Variants in SLC38A7 observed in about 807,000 individuals in gnomAD.
SLC38A7 encodes the protein solute carrier family 38 member 7.
Under a neutral mutation model 50.1 loss-of-function variants are expected in SLC38A7, and 29 were observed. The observed-to-expected ratio is 0.58, with a 90% CI of 0.43 to 0.79. SLC38A7 has a LOEUF of 0.79. SLC38A7 is among the 30% of genes least tolerant of loss of function. The probability of loss-of-function intolerance (pLI) is 0.00; values close to 1 mark genes in which losing one functional copy is unlikely to be tolerated. For synonymous variants in SLC38A7, 244 were observed against 245.9 expected, an observed-to-expected ratio of 0.99 and a Z score of 0.07; for missense variants, 483 against 610.6, an observed-to-expected ratio of 0.79 and a Z score of 2.20.
At chr16:58,670,659 C>T (rs965694196) in intron 10 of SLC38A7, among the ~76,000 whole-genome samples, 27 of 152,330 alleles carry the variant, frequency 1.8e-4, no homozygotes, top group Middle Eastern at 3.4e-3. Flanking sequence ...GACCCCACTG[C>T]CCTCTGGGCT....
At chr16:58,671,698 T>C (rs1353738604) in intron 9 of SLC38A7, 4 of 215,628 alleles carry the variant, frequency 1.9e-5, no homozygotes, top group Non-Finnish European at 3.7e-5. Context: ...AGTGGCTGAG[T>C]AGCTGGGACC....
chr16:58,668,373 G>A (rs1351170979), intron 11 of SLC38A7, among the ~76,000 whole-genome samples: 3 of 152,180 alleles, frequency 2.0e-5, no homozygotes, highest in Non-Finnish European at 4.4e-5. Context: ...TCAGGAGTTC[G>A]AGATCAGCCT....
At chr16:58,676,149 G>A (rs1597672794) in intron 7 of SLC38A7, 95 bp from the exon 8 acceptor site, 2 of 1,544,892 alleles carry the variant, frequency 1.3e-6, no homozygotes, top group East Asian at 2.2e-5. Flanking sequence ...CAGGAACAAG[G>A]GGCAAGTCCT....
chr16:58,670,663 C>G (rs2044141372), intron 10 of SLC38A7, among the ~76,000 whole-genome samples: 1 of 152,234 alleles, frequency 6.6e-6, no homozygotes, highest in Admixed American at 6.5e-5. Flanking sequence ...CCACTGCCCT[C>G]TGGGCTGTAA....
At chr16:58,672,320 C>T in intron 8 of SLC38A7, 77 bp from the exon 9 acceptor site, 2 of 1,449,898 alleles carry the variant, frequency 1.4e-6, no homozygotes, top group Non-Finnish European at 1.9e-6. Context: ...CTAGGAGCAA[C>T]ATCAGCCTGG....
intron 2 of SLC38A7, chr16:58,681,433 GT>G (rs36045290): frequency 0.27 from 40,774 of 151,876 alleles, 5,865 homozygotes; most frequent in African/African-American, 0.36. Context: ...TTGAGATGCA[GT>G]TTTTTTTCTT....
Position 58,678,988 on chromosome 16 carries a change from G to T in SLC38A7, c.271-94C>A. On this transcript the variant is annotated intron_variant, in intron 3 of 11. Transcript: ENST00000219320. This position sits in a 1 kb window ranked among gnomAD's most constrained non-coding sequence, Gnocchi z 4.0. The stretch of plus-strand genomic sequence containing the variant: ...AGCATTTACTGGGCCAGTGCCCAAA[G>T]CAAGCTTGGCAAATCTCACAAAGGC... 7.9e-7 allele frequency: 1 copy of T among 1,260,104 alleles called. No individual in the cohort carries two copies. Among genetic ancestry groups the T allele is most frequent in the Non-Finnish European group, 1.1e-6 (1 of 899,558 alleles). The allele number at this position is 1,260,104 out of a possible 1,614,324, so 78.1% of individuals were successfully genotyped here. A position where few individuals can be genotyped will look rare whatever the true frequency, so the allele number is the denominator to read the frequency against.
In SLC38A7 at chr16:58,684,752, A is replaced by G. The variant is rs922410184; in HGVS notation, c.-375T>C. The G allele has an allele frequency of 1.9e-4, 29 of 152,430 alleles. No individual in the cohort carries two copies. Among genetic ancestry groups the G allele is most frequent in the African/African-American group, 7.0e-4 (29 of 41,600 alleles). The allele number at this position is 152,430 out of a possible 1,614,324, so 9.4% of individuals were successfully genotyped here. On this transcript the variant is annotated 5_prime_UTR_variant, in exon 1 of 12. Coordinates refer to ENST00000219320, the MANE Select transcript of SLC38A7 (RefSeq NM_018231.3). Reference sequence around the variant, plus strand: ...TCTTTCCCGAGCCGGCTGCGGAGACACGTGAGCATGCATCACATGACGCCC... The same window carrying G: ...TCTTTCCCGAGCCGGCTGCGGAGACGCGTGAGCATGCATCACATGACGCCC...
intron 1 of SLC38A7, 170 bp from the exon 2 acceptor site, chr16:58,684,348 C>T (rs1271611515): frequency 1.3e-5 from 2 of 152,370 alleles, no homozygotes; most frequent in Admixed American, 1.3e-4. Context: ...GGGTTGGAGC[C>T]CTGAGATAGA....
chr16:58,668,556 C>G (rs1351121999), intron 11 of SLC38A7, among the ~76,000 whole-genome samples: 1 of 148,726 alleles, frequency 6.7e-6, no homozygotes, highest in Non-Finnish European at 1.5e-5. Flanking sequence ...ACAACAAACC[C>G]AAAAAATTAG....
Position 58,667,429 on chromosome 16 carries a change from C to T in SLC38A7, c.1345G>A (p.Gly449Ser), listed in dbSNP as rs377594326. ...AAGATGGCGTTGGCTGTGGTCTGGC[C>T]GAAGATGAAGGCTCCCAGGGTGACC... ...LLVTLGAFIF[G>S]QTTANAIFVD... The change falls in exon 12 of 12, where the codon GGC (glycine) becomes AGC (serine). Residue 449 changes from glycine to serine, a missense_variant. Coordinates refer to ENST00000219320, the MANE Select transcript of SLC38A7 (RefSeq NM_018231.3). The T allele has an allele frequency of 9.3e-6, 15 of 1,613,810 alleles. No homozygotes were observed. The highest frequency in any genetic ancestry group is 5.0e-5 in the Admixed American group (3 of 59,992).
chr16:58,683,093 G>A lies in SLC38A7; in HGVS notation c.-116+862C>T, dbSNP rs553919629. 3.3e-5 allele frequency among the ~76,000 whole-genome samples: 5 copies of A among 151,560 alleles called. No homozygotes were observed. The South Asian group carries it at 6.3e-4, about 19-fold the overall frequency. On this transcript the variant is annotated intron_variant, in intron 2 of 11. Coordinates refer to ENST00000219320, the MANE Select transcript of SLC38A7 (RefSeq NM_018231.3). ...GAGGTCTCACTATGTTGCCCAGGCT[G>A]GTCTTGAACTCCTGGGCTCAAGCAA...
intron 9 of SLC38A7, 111 bp downstream of exon 9, chr16:58,671,985 A>G (rs1225992106): frequency 1.4e-5 from 18 of 1,305,792 alleles, no homozygotes; most frequent in Non-Finnish European, 1.8e-5. Flanking sequence ...ACTCTTTTCT[A>G]CAGGCTTCAG....
intron 11 of SLC38A7, among the ~76,000 whole-genome samples, chr16:58,667,923 A>G (rs1443415717): frequency 6.6e-6 from 1 of 152,202 alleles, no homozygotes; most frequent in Non-Finnish European, 1.5e-5. Context: ...TAATCCCAGC[A>G]CTTTGGGAGG....
rs1597665252 is a variant in SLC38A7, at chr16:58,671,072, C to T, written c.1204G>A (p.Ala402Thr). ...GGGAAGACGAAGATGAAGCAGGCGG[C>T]CAGGCCTCCAATGACTGAGATCACC... ...GKVISVIGGL[A>T]ACFIFVFPGL... The change falls in exon 10 of 12, where the codon GCC becomes ACC. Residue 402 changes from alanine to threonine, a missense_variant. Coordinates refer to ENST00000219320, the MANE Select transcript of SLC38A7 (RefSeq NM_018231.3). The T allele has an allele frequency of 1.2e-6, 2 of 1,609,662 alleles. No homozygotes were observed. Among genetic ancestry groups the T allele is most frequent in the East Asian group, 4.5e-5 (2 of 44,544 alleles).
chr16:58,680,868 A>C (rs755655850), intron 2 of SLC38A7, among the ~76,000 whole-genome samples: 1 of 152,186 alleles, frequency 6.6e-6, no homozygotes, highest in Non-Finnish European at 1.5e-5. Context: ...TCAGGAAAAC[A>C]GTGATTCATC....
At chr16:58,677,198 A>G in intron 6 of SLC38A7, 128 bp downstream of exon 6, 2 of 721,930 alleles carry the variant, frequency 2.8e-6, no homozygotes, top group Non-Finnish European at 4.9e-6. Context: ...TACAATGACC[A>G]AGTCAGCCCT....
rs759944202 is a variant in SLC38A7 at position 58,679,950 on chromosome 16, G to A, written c.177C>T (p.Ile59=). ...CTGCACCCAGGCACGCGTTGACGACGATGAAGATGGCCCCAAGTGTGGAAG... is the reference window on the plus strand; with the variant it reads ...CTGCACCCAGGCACGCGTTGACGACAATGAAGATGGCCCCAAGTGTGGAAG... ...GTTSTLGAIF[I]VVNACLGAGL... is the part of the protein sequence containing the mutation. The change falls in exon 3 of 12, where the codon ATC becomes ATT. Residue 59 remains isoleucine, a synonymous_variant. Coordinates refer to ENST00000219320, the MANE Select transcript of SLC38A7 (RefSeq NM_018231.3). The A allele has an allele frequency of 7.4e-6, 12 of 1,611,872 alleles. No homozygotes were observed. The Admixed American group carries it at 8.4e-5, about 11-fold the overall frequency.
At chr16:58,670,279 C>G in intron 10 of SLC38A7, 112 bp from the exon 11 acceptor site, 1 of 1,017,746 alleles carries the variant, frequency 9.8e-7, no homozygotes, top group Non-Finnish European at 1.5e-6. Context: ...CATGTTTACT[C>G]TTCTAGAAAT....
Sources: allele counts gnomAD v4.1 joint callset (sites outside exome capture counted in the v4.1 genomes callset), GRCh38; gene constraint gnomAD v4.1.1; non-coding constraint Gnocchi (gnomAD v3.1); transcripts MANE v1.5; gene names NCBI Gene and HGNC (gene_info 2026-07-23, HGNC 2026-07-21).